UBE3C: variants seen among roughly 807,000 people sequenced by gnomAD.
The protein encoded by UBE3C is ubiquitin-protein ligase E3C.
In UBE3C, 42 loss-of-function variants were observed where a neutral mutation model predicts 129.4. The observed-to-expected ratio is 0.32, with a 90% CI of 0.25 to 0.42. UBE3C has a LOEUF of 0.42. Among genes scored for constraint, UBE3C ranks in the 10% least tolerant of loss-of-function variants. The probability of loss-of-function intolerance (pLI) is 1.00; values close to 1 mark genes in which losing one functional copy is unlikely to be tolerated. For missense variants in UBE3C, 1,049 were observed against 1,319.1 expected, an observed-to-expected ratio of 0.80 and a Z score of 3.17; for synonymous variants, 510 against 492.4, an observed-to-expected ratio of 1.04 and a Z score of -0.47.
intron 13 of UBE3C, among the ~76,000 whole-genome samples, chr7:157,211,195 C>A (rs1329316068): frequency 1.8e-4 from 13 of 70,624 alleles, no homozygotes; most frequent in African/African-American, 6.4e-4. Context: ...AGAGAGAGAG[C>A]CATACTATGA....
At chr7:157,183,618 C>G (rs115366973) in intron 8 of UBE3C, among the ~76,000 whole-genome samples, 1,547 of 152,270 alleles carry the variant, frequency 0.01, 24 homozygotes, top group African/African-American at 0.035. Context: ...CCATAAGTCA[C>G]CTCAAGTATG....
intron 11 of UBE3C, among the ~76,000 whole-genome samples, chr7:157,202,654 C>T (rs1809323012): frequency 6.7e-6 from 1 of 149,856 alleles, no homozygotes; most frequent in East Asian, 1.9e-4. Flanking sequence ...GACTTCCTCT[C>T]AAAAAAAAAG....
intron 13 of UBE3C, among the ~76,000 whole-genome samples, chr7:157,215,279 C>T (rs1356825687): frequency 6.6e-6 from 1 of 152,054 alleles, no homozygotes. Flanking sequence ...AAGTACCCTT[C>T]CCCTTTTTTC....
chr7:157,178,797 G>A lies in UBE3C; in HGVS notation c.566G>A (p.Ser189Asn). ...TACTTGCCTGTTTTACAAGATGCTA[G>A]CTATGTGGTGTCAGTGATTGAACAA... ...NTYLPVLQDA[S>N]YVVSVIEQIL... is the part of the protein sequence containing the mutation. Residue 189 changes from serine (S) to asparagine (N), a missense_variant, in exon 6 of 23, where the codon AGC (serine) becomes AAC (asparagine). This residue lies in a region of UBE3C where 489 missense variants were observed against 513.8 expected (regional missense o/e 0.95). Coordinates refer to ENST00000348165, the MANE Select transcript of UBE3C (RefSeq NM_014671.3). 1 of 1,614,194 alleles carries A rather than the reference G, an allele frequency of 6.2e-7. No individual in the cohort carries two copies. Among genetic ancestry groups the A allele is most frequent in the African/African-American group, 1.3e-5 (1 of 75,048 alleles).
chr7:157,250,424 C>T (rs1156991751), intron 19 of UBE3C, among the ~76,000 whole-genome samples: 5 of 151,890 alleles, frequency 3.3e-5, no homozygotes, highest in African/African-American at 9.7e-5. Context: ...TGAGCTCAAG[C>T]GATCCTCCTG....
chr7:157,252,585 C>A (rs1270507200), intron 19 of UBE3C, among the ~76,000 whole-genome samples: 1 of 152,198 alleles, frequency 6.6e-6, no homozygotes, highest in Non-Finnish European at 1.5e-5. Flanking sequence ...AAAATGAGAA[C>A]CAGCAAACGA....
At chr7:157,237,012 G>A (rs1342521200) in intron 18 of UBE3C, among the ~76,000 whole-genome samples, 3 of 152,112 alleles carry the variant, frequency 2.0e-5, no homozygotes, top group Non-Finnish European at 1.5e-5. Flanking sequence ...CATTACAGGC[G>A]TGAGCCAGCA....
At chr7:157,221,585 AC>A (rs1795738205) in intron 15 of UBE3C, 1 of 152,304 alleles carries the variant, frequency 6.6e-6, no homozygotes. Context: ...TACTAAAAAT[AC>A]AAAAAACTAG....
At chr7:157,239,078 A>G (rs1161662842) in intron 18 of UBE3C, among the ~76,000 whole-genome samples, 2 of 152,214 alleles carry the variant, frequency 1.3e-5, no homozygotes, top group Non-Finnish European at 2.9e-5. Flanking sequence ...ATCTTCCTAA[A>G]GCATCATATT....
chr7:157,196,148 A>ATGAAAC (rs879611346), intron 10 of UBE3C, among the ~76,000 whole-genome samples: 1 of 152,202 alleles, frequency 6.6e-6, no homozygotes, highest in Non-Finnish European at 1.5e-5. Context: ...TTTAAGATAG[A>ATGAAAC]AGGCCGCAAG....
intron 13 of UBE3C, among the ~76,000 whole-genome samples, chr7:157,215,286 T>C (rs569900270): frequency 6.6e-6 from 1 of 152,232 alleles, no homozygotes; most frequent in Admixed American, 6.5e-5. Flanking sequence ...CTTCCCCTTT[T>C]TTCTTGGGCA....
intron 10 of UBE3C, among the ~76,000 whole-genome samples, chr7:157,195,167 C>T (rs1422371159): frequency 6.6e-6 from 1 of 152,130 alleles, no homozygotes; most frequent in African/African-American, 2.4e-5. Context: ...ATCATAGATC[C>T]TCCCAGCTAT....
intron 4 of UBE3C, among the ~76,000 whole-genome samples, chr7:157,172,707 GA>G (rs1252926943): frequency 1.3e-5 from 2 of 152,058 alleles, no homozygotes; most frequent in African/African-American, 4.8e-5. Flanking sequence ...TGAAGTTGTT[GA>G]AAAAAAGAAT....
chr7:157,185,963 C>T (rs1025398492), intron 9 of UBE3C, among the ~76,000 whole-genome samples: 1 of 151,564 alleles, frequency 6.6e-6, no homozygotes, highest in South Asian at 2.1e-4. Flanking sequence ...TATTCACATT[C>T]ATATATATAT....
At chr7:157,236,485 T>A (rs770757186) in intron 18 of UBE3C, among the ~76,000 whole-genome samples, 56 of 152,234 alleles carry the variant, frequency 3.7e-4, no homozygotes, top group Non-Finnish European at 6.8e-4. Flanking sequence ...TTTATCGCGG[T>A]AGAATTCAGT....
At chr7:157,204,418 A>AAAAAAAAAAC (rs1809376197) in intron 11 of UBE3C, among the ~76,000 whole-genome samples, 1 of 150,430 alleles carries the variant, frequency 6.6e-6, no homozygotes, top group Non-Finnish European at 1.5e-5. Context: ...AAAAAAAAAA[A>AAAAAAAAAAC]TTTCAGCTTC....
chr7:157,227,532 A>C (rs1382011353), intron 17 of UBE3C, among the ~76,000 whole-genome samples: 1 of 147,850 alleles, frequency 6.8e-6, no homozygotes, highest in Non-Finnish European at 1.5e-5. Context: ...CCCTGTCTCT[A>C]CTAAAAATAC....
At chr7:157,172,478 A>T (rs1478843883) in intron 4 of UBE3C, among the ~76,000 whole-genome samples, 1 of 152,246 alleles carries the variant, frequency 6.6e-6, no homozygotes, top group Non-Finnish European at 1.5e-5. Context: ...TGAATTAATT[A>T]CAGCGGACAA....
chr7:157,170,962 C>T lies in UBE3C; in HGVS notation c.342+512C>T, dbSNP rs537379205. On this transcript the variant is annotated intron_variant, in intron 4 of 22. Coordinates refer to ENST00000348165, the MANE Select transcript of UBE3C (RefSeq NM_014671.3). ...GCTGGGACTACAGGTGTGTGTACAC[C>T]TTGTTAATGTTAAGGCTAATTTTTT... Among the ~76,000 whole-genome samples the T allele has an allele frequency of 7.2e-5, 11 of 151,810 alleles. No homozygotes were observed. In the East Asian group the frequency reaches 2.2e-3, roughly 30 times the overall value.
Sources: gnomAD v4.1 joint callset for allele counts (sites outside exome capture counted in the v4.1 genomes callset) on GRCh38, gnomAD v4.1.1 for gene constraint, gnomAD v4.1.1 regional missense constraint, MANE v1.5 for transcripts, NCBI Gene and HGNC (gene_info 2026-07-23, HGNC 2026-07-21) for gene names.